Variants in DIAPH2 observed in about 807,000 individuals in gnomAD.
DIAPH2 encodes the protein diaphanous related formin 2, also known as protein diaphanous homolog 2.
A neutral mutation model predicts 92.7 loss-of-function variants in DIAPH2; 35 were observed. The ratio of observed to expected loss-of-function variants is 0.38; its 90% CI spans 0.29 to 0.50. The LOEUF is 0.50. DIAPH2 is among the 20% of genes least tolerant of loss of function. DIAPH2 has a pLI of 0.94. For missense variants in DIAPH2, 701 were observed against 819.5 expected, an observed-to-expected ratio of 0.86 and a Z score of 1.77; for synonymous variants, 301 against 280.4, an observed-to-expected ratio of 1.07 and a Z score of -0.73.
chrX:96,866,788 AAAG>A (rs1269305953), intron 4 of DIAPH2, among the ~76,000 whole-genome samples: 2 of 112,119 alleles, frequency 1.8e-5, no homozygotes, highest in Non-Finnish European at 3.8e-5. Context: ...GGTGTAGAAA[AAAG>A]AAATGAAGCC....
chrX:97,058,985 G>T (rs2066577325), intron 17 of DIAPH2, among the ~76,000 whole-genome samples: 1 of 111,912 alleles, frequency 8.9e-6, no homozygotes, highest in Non-Finnish European at 1.9e-5. Context: ...AATTAGAGAA[G>T]ATTTCATAGA....
chrX:96,831,929 G>T (rs2064857417), intron 4 of DIAPH2, among the ~76,000 whole-genome samples: 1 of 111,500 alleles, frequency 9.0e-6, no homozygotes, highest in African/African-American at 3.3e-5. Context: ...CCATCTAGAA[G>T]CACTACCCTC....
At chrX:97,287,952 C>CAAAAAA (rs748309881) in intron 23 of DIAPH2, among the ~76,000 whole-genome samples, 7 of 39,789 alleles carry the variant, frequency 1.8e-4, no homozygotes, top group Admixed American at 4.2e-4. Context: ...GACTCTGTCT[C>CAAAAAA]AAAAAAAAAA....
chrX:97,408,910 T>C (rs1338362580), intron 25 of DIAPH2, among the ~76,000 whole-genome samples: 1 of 111,870 alleles, frequency 8.9e-6, no homozygotes, highest in Non-Finnish European at 1.9e-5. Flanking sequence ...AAGAAAAATT[T>C]TTGGAAGCAA....
rs370628294 is a variant in DIAPH2, at chrX:97,541,231, C to G, written c.3242-58022C>G. 2.7e-5 allele frequency among the ~76,000 whole-genome samples: 3 copies of G among 111,823 alleles called. No homozygotes were observed. In the South Asian group the frequency reaches 1.1e-3, roughly 42 times the overall value. ...CAAGGGTTAAGTAGAAGAGAAGAGA[C>G]TTAATTACATTTAGCAAGGGTCCCA... On this transcript the variant is annotated intron_variant, in intron 26 of 26. Coordinates refer to ENST00000324765, the MANE Select transcript of DIAPH2 (RefSeq NM_006729.5).
At chrX:97,180,518 C>G (rs1476417820) in intron 22 of DIAPH2, among the ~76,000 whole-genome samples, 2 of 111,577 alleles carry the variant, frequency 1.8e-5, no homozygotes, top group Non-Finnish European at 3.8e-5. Flanking sequence ...ATTAGATCCC[C>G]TTTGTTCATT....
chrX:97,289,219 T>C (rs1324792272), intron 23 of DIAPH2, among the ~76,000 whole-genome samples: 1 of 112,064 alleles, frequency 8.9e-6, no homozygotes, highest in Non-Finnish European at 1.9e-5. Flanking sequence ...TCTTCCCAGG[T>C]GTTGAAATGG....
rs1556143661 is a variant in DIAPH2, at chrX:96,773,244, C to CCCCAA, written c.447+14988_447+14989insCAACC. 6.1e-3 allele frequency among the ~76,000 whole-genome samples: 530 copies of CCCCAA among 86,481 alleles called. 8 individuals carry two copies. Among genetic ancestry groups the CCCCAA allele is most frequent in the African/African-American group, 0.02 (496 of 24,594 alleles). The allele number at this position is 86,481 out of a possible 115,157, so 75.1% of individuals were successfully genotyped here. On this transcript the variant is annotated intron_variant, in intron 4 of 26. Coordinates refer to ENST00000324765, the MANE Select transcript of DIAPH2 (RefSeq NM_006729.5). ...GTTACCGGCTGAATTGTTTCCCCCC[C>CCCCAA]CCTCCCGCCCTCCCCAAATTTGTAT...
rs1194399722 is a variant in DIAPH2, at chrX:97,247,739, A to G, written c.2744A>G (p.Asn915Ser). 1 of 1,206,892 alleles carries G rather than the reference A, an allele frequency of 8.3e-7. No individual in the cohort carries two copies. The highest frequency in any genetic ancestry group is 1.8e-5 in the South Asian group (1 of 56,470). The change falls in exon 23 of 27, where the codon AAC becomes AGC. Residue 915 changes from asparagine to serine, a missense_variant. Coordinates refer to ENST00000324765, the MANE Select transcript of DIAPH2 (RefSeq NM_006729.5). The part of the protein sequence containing the change: ...SKVSAQILKS[N>S]LASMEQQIVH... ...GTTTCAGCTCAAATTCTCAAGAGCA[A>G]CCTTGCATCAATGGAACAACAAATT...
At chrX:96,896,149 A>G (rs1006809531) in intron 5 of DIAPH2, among the ~76,000 whole-genome samples, 4 of 111,359 alleles carry the variant, frequency 3.6e-5, no homozygotes, top group African/African-American at 9.8e-5. Context: ...TATTTTTTGG[A>G]CATCTCTGAT....
At chrX:97,005,701 G>A (rs1321272785) in intron 17 of DIAPH2, among the ~76,000 whole-genome samples, 2 of 109,684 alleles carry the variant, frequency 1.8e-5, no homozygotes, top group South Asian at 3.9e-4. Context: ...CACCTTGCCC[G>A]GCTAATTTTT....
At chrX:97,063,987 G>A (rs746206346) in intron 17 of DIAPH2, among the ~76,000 whole-genome samples, 1 of 111,819 alleles carries the variant, frequency 8.9e-6, no homozygotes, top group Non-Finnish European at 1.9e-5. Flanking sequence ...AACAAACATG[G>A]TATAACTTGC....
chrX:97,495,679 T>C (rs1422032229), intron 26 of DIAPH2, among the ~76,000 whole-genome samples: 1 of 112,058 alleles, frequency 8.9e-6, no homozygotes, highest in Non-Finnish European at 1.9e-5. Context: ...TTAAATGTTT[T>C]TAAGGTGATG....
At chrX:96,836,711 ATATAT>A (rs2064892345) in intron 4 of DIAPH2, among the ~76,000 whole-genome samples, 2 of 24,252 alleles carry the variant, frequency 8.2e-5, no homozygotes, top group Non-Finnish European at 1.4e-4. Flanking sequence ...ATATATATAT[ATATAT>A]ATTTTTTTTT....
chrX:97,108,272 A>G (rs941638170), intron 20 of DIAPH2, among the ~76,000 whole-genome samples: 1 of 111,437 alleles, frequency 9.0e-6, no homozygotes, highest in African/African-American at 3.3e-5. Context: ...TCCCCTACAT[A>G]ATACAATACC....
At position 97,602,845 on chromosome X, in the gene DIAPH2, A is replaced by AT. The variant is rs1326273460; in HGVS notation, c.*3535dup. 2 of 110,629 alleles carry AT rather than the reference A, an allele frequency of 1.8e-5. No individual in the cohort carries two copies. The highest frequency in any genetic ancestry group is 3.8e-4 in the South Asian group (1 of 2,612). The allele number at this position is 110,629 out of a possible 1,213,427, so 9.1% of individuals were successfully genotyped here. A position where few individuals can be genotyped will look rare whatever the true frequency, so the allele number is the denominator to read the frequency against. ...TCTGGCAGTCTCACAATCTTCTTTCATTTTTTTCTGTCTCTGTCCCTTTTA... is the reference window on the plus strand; with the variant it reads ...TCTGGCAGTCTCACAATCTTCTTTCATTTTTTTTCTGTCTCTGTCCCTTTTA... On this transcript the variant is annotated 3_prime_UTR_variant, in exon 27 of 27. Transcript: ENST00000324765.
At chrX:97,191,672 C>T (rs1322118238) in intron 22 of DIAPH2, among the ~76,000 whole-genome samples, 1 of 112,259 alleles carries the variant, frequency 8.9e-6, no homozygotes, top group East Asian at 2.8e-4. Flanking sequence ...CATTCATTAG[C>T]ATTCTGTTTA....
intron 22 of DIAPH2, among the ~76,000 whole-genome samples, chrX:97,171,925 G>A (rs2067457250): frequency 9.4e-6 from 1 of 106,791 alleles, no homozygotes; most frequent in Non-Finnish European, 1.9e-5. Context: ...GGGCAACAGA[G>A]CAAGACTCCG....
At chrX:97,461,399 A>C (rs2070457538) in intron 26 of DIAPH2, among the ~76,000 whole-genome samples, 1 of 111,304 alleles carries the variant, frequency 9.0e-6, no homozygotes, top group Non-Finnish European at 1.9e-5. Flanking sequence ...TTTTTCTTTT[A>C]AACAGAACAT....
Sources: allele counts gnomAD v4.1 joint callset (sites outside exome capture counted in the v4.1 genomes callset), GRCh38; gene constraint gnomAD v4.1.1; transcripts MANE v1.5; gene names NCBI Gene and HGNC (gene_info 2026-07-23, HGNC 2026-07-21).